Variants in AP1G2 observed in about 807,000 individuals in gnomAD.
AP1G2 encodes the protein adaptor related protein complex 1 subunit gamma 2, also known as AP-1 complex subunit gamma-like 2.
Under a neutral mutation model 95.8 loss-of-function variants are expected in AP1G2, and 85 were observed. The ratio of observed to expected loss-of-function variants is 0.89; its 90% CI spans 0.74 to 1.06. The LOEUF (loss-of-function observed/expected upper bound fraction) is 1.06. Ranked by LOEUF, AP1G2 falls within the 50% of genes least tolerant of loss-of-function variation. The probability of loss-of-function intolerance (pLI) is 0.00; values close to 1 mark genes in which losing one functional copy is unlikely to be tolerated. For missense variants in AP1G2, 967 were observed against 1,005.8 expected, an observed-to-expected ratio of 0.96 and a Z score of 0.52; for synonymous variants, 378 against 400.0, an observed-to-expected ratio of 0.94 and a Z score of 0.66.
At chr14:23,561,101 C>T in intron 19 of AP1G2, 195 bp downstream of exon 19, 2 of 1,316,138 alleles carry the variant, frequency 1.5e-6, no homozygotes, top group Non-Finnish European at 1.9e-6. Context: ...CCCTGTAGGC[C>T]AGGGAAAGAA....
At chr14:23,565,533 G>T in intron 7 of AP1G2, 73 bp downstream of exon 7, 1 of 1,331,554 alleles carries the variant, frequency 7.5e-7, no homozygotes, top group Non-Finnish European at 1.1e-6. Context: ...TTCTCTGGGA[G>T]GAAACCACTG....
intron 19 of AP1G2, chr14:23,560,949 G>A: frequency 2.8e-6 from 1 of 363,488 alleles, no homozygotes; most frequent in Non-Finnish European, 4.1e-6. Flanking sequence ...GAATGAGCTG[G>A]TCATTTGATG....
Position 23,564,032 on chromosome 14 carries a change from C to CTA in AP1G2, c.1091+12_1091+13dup, listed in dbSNP as rs749432803. The CTA allele has an allele frequency of 1.6e-4, 259 of 1,613,724 alleles. No homozygotes were observed. Among genetic ancestry groups the CTA allele is most frequent in the Non-Finnish European group, 1.9e-4 (219 of 1,180,000 alleles). ...CCTCTGCCCTGCCCTCCTGTCCCCT[C>CTA]TATCACTGCTCACCGGCTGAGGGAG... On this transcript the variant is annotated intron_variant, in intron 11 of 21. Coordinates refer to ENST00000397120, the MANE Select transcript of AP1G2 (RefSeq NM_003917.5).
At chr14:23,564,216 C>A in intron 10 of AP1G2, 57 bp from the exon 11 acceptor site, 3 of 1,611,982 alleles carry the variant, frequency 1.9e-6, no homozygotes, top group Non-Finnish European at 2.5e-6. Context: ...CACTCCCCGT[C>A]CTGTCCTGGG....
intron 8 of AP1G2, 98 bp from the exon 9 acceptor site, chr14:23,564,758 G>T: frequency 9.0e-7 from 1 of 1,116,342 alleles, no homozygotes; most frequent in Non-Finnish European, 1.3e-6. Context: ...GCTCACTGCA[G>T]CCTTGACCTC....
chr14:23,562,053 C>T lies in AP1G2; in HGVS notation c.1642G>A (p.Val548Met). 2 of 1,613,616 alleles carry T rather than the reference C, an allele frequency of 1.2e-6. No homozygotes were observed. Among genetic ancestry groups the T allele is most frequent in the East Asian group, 2.2e-5 (1 of 44,874 alleles). ...LCGDNNRIRQ[V>M]VSIYGSCLDV... is the part of the protein sequence containing the mutation. ...AAGCAGCTCCCGTAGATGGACACCA[C>T]CTGGCGGATGCGGCTGGGCCAGTGT... The change falls in exon 17 of 22, where the codon GTG becomes ATG. Residue 548 changes from valine (V) to methionine (M), a missense_variant. Physicochemically the swap from Val to Met is conservative, Grantham distance 21 (BLOSUM62 1). Transcript: ENST00000397120.
In AP1G2 at chr14:23,560,460, GA is replaced by G. The variant is rs77636988; in HGVS notation, c.1994-43del. On this transcript the variant is annotated intron_variant, in intron 19 of 21. Coordinates refer to ENST00000397120, the MANE Select transcript of AP1G2 (RefSeq NM_003917.5). ...GAAGCAGCTCAGTGTGCAGGTTTGA[GA>G]GAACATGTTTGTTCATTCATTCAAC... The G allele has an allele frequency of 5.3e-4, 837 of 1,585,448 alleles. 10 individuals carry two copies. The East Asian group carries it at 0.017, about 32-fold the overall frequency.
chr14:23,563,866 G>T lies in AP1G2; in HGVS notation c.1092-10C>A. The T allele has an allele frequency of 6.2e-7, 1 of 1,612,576 alleles. No homozygotes were observed. The highest frequency in any genetic ancestry group is 1.1e-5 in the South Asian group (1 of 90,996). On this transcript the variant is annotated splice_polypyrimidine_tract_variant and intron_variant, in intron 11 of 21. Coordinates refer to ENST00000397120, the MANE Select transcript of AP1G2 (RefSeq NM_003917.5). The stretch of plus-strand genomic sequence containing the variant: ...TAGTTCCAGGGCTCTCCTGGCAGGA[G>T]AAAGAGGTTTCCATGCAGGTAGCCC...
chr14:23,565,108 C>G lies in AP1G2; in HGVS notation c.822+11G>C. 6.2e-7 allele frequency: 1 copy of G among 1,614,036 alleles called. No homozygotes were observed. On this transcript the variant is annotated intron_variant, in intron 8 of 21. Coordinates refer to ENST00000397120, the MANE Select transcript of AP1G2 (RefSeq NM_003917.5). ...AGCAACACAGCTAACCAGTGCCCTC[C>G]CAGGCCCCACCTGGGCCAGCAAGTC...
chr14:23,567,049 G>A lies in AP1G2; in HGVS notation c.204+62C>T. The A allele has an allele frequency of 6.6e-7, 1 of 1,521,518 alleles. No individual in the cohort carries two copies. Among genetic ancestry groups the A allele is most frequent in the Non-Finnish European group, 8.9e-7 (1 of 1,119,644 alleles). The allele number at this position is 1,521,518 out of a possible 1,614,324, so 94.3% of individuals were successfully genotyped here. On this transcript the variant is annotated intron_variant, in intron 2 of 21. Coordinates refer to ENST00000397120, the MANE Select transcript of AP1G2 (RefSeq NM_003917.5). This position sits in a 1 kb window ranked among gnomAD's most constrained non-coding sequence, Gnocchi z 5.3. ...AACCAGGGCATAAACAGGTGAGAGA[G>A]TCTGGGACTCTGCCCCACTAGCCTT... is the stretch of plus-strand genomic sequence containing the variant.
Position 23,562,493 on chromosome 14 carries a change from T to C in AP1G2, c.1500+11A>G, listed in dbSNP as rs900693658. 1 of 1,614,032 alleles carries C rather than the reference T, an allele frequency of 6.2e-7. No individual in the cohort carries two copies. Among genetic ancestry groups the C allele is most frequent in the African/African-American group, 1.3e-5 (1 of 74,922 alleles). On this transcript the variant is annotated intron_variant, in intron 15 of 21. Coordinates refer to ENST00000397120, the MANE Select transcript of AP1G2 (RefSeq NM_003917.5). ...AAGTCCCTCCTCAGTGTACCCCCAA[T>C]GAGGTCTCACCTGAAGGGGCTCAAT... is the stretch of plus-strand genomic sequence containing the variant.
intron 9 of AP1G2, 80 bp downstream of exon 9, chr14:23,564,482 G>A: frequency 6.2e-7 from 1 of 1,600,700 alleles, no homozygotes; most frequent in Non-Finnish European, 8.6e-7. Flanking sequence ...ATGGGGCTAG[G>A]AGGGAGAAAC....
rs1199535837 is a variant in AP1G2, at chr14:23,561,593, G to C, written c.1776C>G (p.Gly592=). 2.5e-6 allele frequency: 4 copies of C among 1,614,108 alleles called. No homozygotes were observed. The South Asian group carries it at 4.4e-5, about 18-fold the overall frequency. The stretch of plus-strand genomic sequence containing the variant: ...CCTTTGCTTCCTCATCAGCCTGAGG[G>C]CCATCTCGCTCCACAAGAGGCATTT... ...LEKMPLVERD[G]PQADEEAKES... is the part of the protein sequence containing the mutation. Residue 592 remains glycine (G), a synonymous_variant, in exon 18 of 22, where the codon GGC becomes GGG. Transcript: ENST00000397120.
chr14:23,567,453 T>C lies in AP1G2; in HGVS notation c.-5-134A>G, dbSNP rs1187537886. 2.1e-6 allele frequency: 3 copies of C among 1,408,808 alleles called. No individual in the cohort carries two copies. The African/African-American group carries it at 4.5e-5, about 21-fold the overall frequency. 87.3% of individuals were successfully genotyped at this position (1,408,808 alleles called of 1,614,324 possible). ...CTAAAATTGCGCCCGCATTTTACCT[T>C]TCCCGAAGTGGGTCTCCAAATTCCG... On this transcript the variant is annotated intron_variant, in intron 1 of 21. Coordinates refer to ENST00000397120, the MANE Select transcript of AP1G2 (RefSeq NM_003917.5). This position sits in a 1 kb window ranked among gnomAD's most constrained non-coding sequence, Gnocchi z 5.3.
At chr14:23,562,806 C>A (rs912122136) in intron 14 of AP1G2, 5 of 603,564 alleles carry the variant, frequency 8.3e-6, no homozygotes, top group Non-Finnish European at 1.4e-5. Context: ...TCTGAGGTCC[C>A]CTCCTCACTT....
chr14:23,563,124 G>T (rs925943366), intron 14 of AP1G2: 1 of 1,386,318 alleles, frequency 7.2e-7, no homozygotes, highest in Non-Finnish European at 9.3e-7. Flanking sequence ...TAATCTCAAG[G>T]CAGCTCTAAG....
At chr14:23,559,916 TG>T in intron 21 of AP1G2, 21 bp downstream of exon 21, 1 of 1,611,756 alleles carries the variant, frequency 6.2e-7, no homozygotes, top group African/African-American at 1.3e-5. Context: ...GGTCTTGTCT[TG>T]GGGGAACTCC....
At chr14:23,565,549 G>A (rs1566654528) in intron 7 of AP1G2, 57 bp downstream of exon 7, 4 of 1,445,814 alleles carry the variant, frequency 2.8e-6, no homozygotes, top group Non-Finnish European at 3.9e-6. Flanking sequence ...CACTGGTCAT[G>A]GTCTTACTGC....
Position 23,561,986 on chromosome 14 carries a change from AGT to A in AP1G2, c.1707_1708del (p.Phe571ProfsTer25). Reference sequence around the variant, plus strand: ...CCTCATGTGGTCGTATTTCCGGAAGAGTGTGTCATACTCCACAGCCCGCTGCT... The same window carrying A: ...CCTCATGTGGTCGTATTTCCGGAAGAGTGTCATACTCCACAGCCCGCTGCT... On this transcript the variant is annotated frameshift_variant, in exon 17 of 22. Coordinates refer to ENST00000397120, the MANE Select transcript of AP1G2 (RefSeq NM_003917.5). LOFTEE classifies it high-confidence loss of function. The A allele has an allele frequency of 6.2e-7, 1 of 1,612,608 alleles. No homozygotes were observed. The highest frequency in any genetic ancestry group is 8.5e-7 in the Non-Finnish European group (1 of 1,179,426).
Sources: allele counts gnomAD v4.1 joint callset, GRCh38; gene constraint gnomAD v4.1.1; non-coding constraint Gnocchi (gnomAD v3.1); transcripts MANE v1.5; gene names NCBI Gene and HGNC (gene_info 2026-07-23, HGNC 2026-07-21).